Variants in DLG2 observed in about 807,000 individuals in gnomAD.
DLG2 encodes the protein discs large MAGUK scaffold protein 2.
A neutral mutation model predicts 132.5 loss-of-function variants in DLG2; 45 were observed. The ratio of observed to expected loss-of-function variants is 0.34; its 90% CI spans 0.27 to 0.44. DLG2 has a LOEUF of 0.44. Among genes scored for constraint, DLG2 ranks in the 20% least tolerant of loss-of-function variants. The pLI is 1.00. For missense variants in DLG2, 1,045 were observed against 1,196.9 expected, an observed-to-expected ratio of 0.87 and a Z score of 1.87; for synonymous variants, 424 against 419.6, an observed-to-expected ratio of 1.01 and a Z score of -0.13.
chr11:84,228,706 T>C (rs2097046257), intron 8 of DLG2, among the ~76,000 whole-genome samples: 1 of 152,186 alleles, frequency 6.6e-6, no homozygotes, highest in African/African-American at 2.4e-5. Flanking sequence ...GGTAAGATAA[T>C]AACTGTCTTT....
chr11:83,620,850 A>G (rs2061514939), intron 19 of DLG2, among the ~76,000 whole-genome samples: 5 of 131,084 alleles, frequency 3.8e-5, no homozygotes, highest in Admixed American at 3.3e-4. Context: ...AGCCTGGGCG[A>G]CAGAGCGAGA....
intron 3 of DLG2, among the ~76,000 whole-genome samples, chr11:85,500,065 C>T (rs1336050770): frequency 3.9e-5 from 6 of 152,126 alleles, no homozygotes; most frequent in Admixed American, 3.9e-4. Flanking sequence ...CTCACCACTC[C>T]TATTCAACAC....
At chr11:83,672,048 A>G (rs1202436965) in intron 18 of DLG2, among the ~76,000 whole-genome samples, 1 of 152,206 alleles carries the variant, frequency 6.6e-6, no homozygotes, top group Non-Finnish European at 1.5e-5. Context: ...ATAAAGGGGA[A>G]GGGAGTAAGG....
chr11:85,381,903 C>A (rs1030228234), intron 3 of DLG2, among the ~76,000 whole-genome samples: 4 of 152,018 alleles, frequency 2.6e-5, no homozygotes, highest in African/African-American at 9.7e-5. Context: ...GTTAAGATGG[C>A]AATACTCCCT....
intron 21 of DLG2, among the ~76,000 whole-genome samples, chr11:83,524,177 T>C (rs919474854): frequency 3.3e-5 from 5 of 152,208 alleles, no homozygotes; most frequent in African/African-American, 1.2e-4. Context: ...TATTTTCACA[T>C]ATTAGGCTTA....
At chr11:84,495,955 G>A (rs1314328712) in intron 7 of DLG2, among the ~76,000 whole-genome samples, 1 of 152,122 alleles carries the variant, frequency 6.6e-6, no homozygotes, top group Non-Finnish European at 1.5e-5. Context: ...GTGGCTTTCA[G>A]GTCCAGAGCA....
chr11:84,030,503 G>A (rs1257450976), intron 11 of DLG2, among the ~76,000 whole-genome samples: 1 of 152,108 alleles, frequency 6.6e-6, no homozygotes, highest in Non-Finnish European at 1.5e-5. Context: ...TTTATGGAAG[G>A]TGAAGTTGAA....
chr11:83,557,173 T>C (rs1343186341), intron 19 of DLG2, among the ~76,000 whole-genome samples: 1 of 152,256 alleles, frequency 6.6e-6, no homozygotes, highest in African/African-American at 2.4e-5. Flanking sequence ...AACAAGATGG[T>C]ATCTCTGCCT....
chr11:84,300,160 C>T (rs191402183), intron 7 of DLG2, among the ~76,000 whole-genome samples: 34 of 152,046 alleles, frequency 2.2e-4, no homozygotes, highest in African/African-American at 7.0e-4. Context: ...AGGAAATTTC[C>T]AGGATATTTC....
chr11:84,935,848 C>G (rs1182871015), intron 6 of DLG2, among the ~76,000 whole-genome samples: 1 of 152,156 alleles, frequency 6.6e-6, no homozygotes, highest in Non-Finnish European at 1.5e-5. Flanking sequence ...ATTTAAATAT[C>G]CTGTGTCAGC....
chr11:85,049,173 G>T (rs986657867), intron 6 of DLG2, among the ~76,000 whole-genome samples: 3 of 151,924 alleles, frequency 2.0e-5, no homozygotes, highest in African/African-American at 7.2e-5. Flanking sequence ...TAGACTTAGG[G>T]ATTCAGGACT....
At chr11:85,598,016 AATAT>A in intron 3 of DLG2, among the ~76,000 whole-genome samples, 1 of 151,640 alleles carries the variant, frequency 6.6e-6, no homozygotes, top group African/African-American at 2.4e-5. Context: ...TATAAAAAAA[AATAT>A]ATAAATAAAC....
intron 6 of DLG2, among the ~76,000 whole-genome samples, chr11:84,721,333 G>A (rs1476679841): frequency 6.6e-6 from 1 of 152,104 alleles, no homozygotes; most frequent in Non-Finnish European, 1.5e-5. Flanking sequence ...GTAGGGAAGC[G>A]GCCTCAGAAC....
intron 6 of DLG2, among the ~76,000 whole-genome samples, chr11:84,856,268 A>C (rs966974934): frequency 5.3e-5 from 8 of 152,130 alleles, no homozygotes; most frequent in Non-Finnish European, 1.2e-4. Flanking sequence ...ATCAATGATA[A>C]GGAGACTGAG....
chr11:83,663,508 T>C (rs887017950), intron 18 of DLG2, among the ~76,000 whole-genome samples: 8 of 152,326 alleles, frequency 5.3e-5, no homozygotes, highest in African/African-American at 1.9e-4. Flanking sequence ...CAAGACACCC[T>C]GTTAAAAACA....
intron 11 of DLG2, among the ~76,000 whole-genome samples, chr11:84,047,765 A>C (rs1290650843): frequency 6.6e-6 from 1 of 151,674 alleles, no homozygotes; most frequent in Non-Finnish European, 1.5e-5. Context: ...CTGTGAAAAG[A>C]AACAGTGGTC....
chr11:84,398,214 G>C (rs2098817357), intron 7 of DLG2, among the ~76,000 whole-genome samples: 1 of 152,158 alleles, frequency 6.6e-6, no homozygotes, highest in African/African-American at 2.4e-5. Context: ...GGATTCATCA[G>C]ATCACCTGCA....
intron 6 of DLG2, among the ~76,000 whole-genome samples, chr11:84,910,397 T>G (rs1235845261): frequency 6.6e-6 from 1 of 152,224 alleles, no homozygotes; most frequent in Non-Finnish European, 1.5e-5. Flanking sequence ...GTCAAATGCT[T>G]TCCTAGAAAT....
chr11:84,251,256 A>AATT lies in DLG2; in HGVS notation c.554_555insAAT (p.Thr185_Leu186insIle), dbSNP rs1378782602. ...TACTTACATAAGGAATTGTGTCCAA[A>AATT]GTATCTGTGTTGACAATTATAGGAG... On this transcript the variant is annotated inframe_insertion, in exon 8 of 28. Coordinates refer to ENST00000376104, the MANE Select transcript of DLG2 (RefSeq NM_001142699.3). 1 of 1,590,624 alleles carries AATT rather than the reference A, an allele frequency of 6.3e-7. No homozygotes were observed. The highest frequency in any genetic ancestry group is 8.5e-7 in the Non-Finnish European group (1 of 1,171,590).
Sources: gnomAD v4.1 joint callset for allele counts (sites outside exome capture counted in the v4.1 genomes callset) on GRCh38, gnomAD v4.1.1 for gene constraint, MANE v1.5 for transcripts, NCBI Gene and HGNC (gene_info 2026-07-23, HGNC 2026-07-21) for gene names.